Variants in COL4A5 observed in about 807,000 individuals in gnomAD.
The protein encoded by COL4A5 is collagen type IV alpha 5 chain.
A neutral mutation model predicts 130.2 loss-of-function variants in COL4A5; 26 were observed. The observed-to-expected ratio is 0.20, with a 90% CI of 0.15 to 0.28. COL4A5 has a LOEUF of 0.28. Ranked by LOEUF, COL4A5 falls within the 10% of genes least tolerant of loss-of-function variation. The probability of loss-of-function intolerance (pLI) is 1.00; values close to 1 mark genes in which losing one functional copy is unlikely to be tolerated. For missense variants in COL4A5, 1,131 were observed against 1,344.3 expected, an observed-to-expected ratio of 0.84 and a Z score of 2.48; for synonymous variants, 496 against 439.6, an observed-to-expected ratio of 1.13 and a Z score of -1.60.
At chrX:108,559,754 T>C (rs774127043) in intron 3 of COL4A5, among the ~76,000 whole-genome samples, 5 of 111,733 alleles carry the variant, frequency 4.5e-5, no homozygotes, top group Non-Finnish European at 9.4e-5. Context: ...AGAAAAAGTA[T>C]TTTTATGGTT....
chrX:108,606,788 T>C lies in COL4A5; in HGVS notation c.2291T>C (p.Leu764Pro). 8.3e-7 allele frequency: 1 copy of C among 1,211,352 alleles called. No individual in the cohort carries two copies. ...CCTGGGCCACCTGGGCCACCAGGAC[T>C]TCCAGGTTTCAAAGGAGCACTTGGT... ...ALPGPPGPPG[L>P]PGFKGALGPK... Residue 764 changes from leucine to proline, a missense_variant, in exon 29 of 53, where the codon CTT becomes CCT. Transcript: ENST00000328300.
In COL4A5 at chrX:108,622,813, C is replaced by T. The variant is rs748478614; in HGVS notation, c.2905C>T (p.Pro969Ser). The T allele has an allele frequency of 8.3e-7, 1 of 1,206,910 alleles. No individual in the cohort carries two copies. Among genetic ancestry groups the T allele is most frequent in the African/African-American group, 1.8e-5 (1 of 57,111 alleles). The change falls in exon 33 of 53, where the codon CCT becomes TCT. Residue 969 changes from proline to serine, a missense_variant. Coordinates refer to ENST00000328300, the MANE Select transcript of COL4A5 (RefSeq NM_033380.3). ...GGGCTCAAAAGGAGAGAAGGGGGAACCTGGCTTACCAGGTGAGTGAATGAA... is the reference window on the plus strand; with the variant it reads ...GGGCTCAAAAGGAGAGAAGGGGGAATCTGGCTTACCAGGTGAGTGAATGAA... ...LLGSKGEKGEPGLPGIPGVSG... is the reference protein window; with the variant it reads ...LLGSKGEKGESGLPGIPGVSG...
rs771693052 is a variant in COL4A5, at chrX:108,483,468, C to T, written c.81+43262C>T. 9.9e-5 allele frequency among the ~76,000 whole-genome samples: 11 copies of T among 111,159 alleles called. No homozygotes were observed. In the East Asian group the frequency reaches 1.4e-3, roughly 14 times the overall value. On this transcript the variant is annotated intron_variant, in intron 1 of 52. Transcript: ENST00000328300. Reference sequence around the variant, plus strand: ...CAGGTTTTTCTGCCTGCTTTATATTCGCTGGCAGCTGATTAGATTGTGCCC... The same window carrying T: ...CAGGTTTTTCTGCCTGCTTTATATTTGCTGGCAGCTGATTAGATTGTGCCC...
chrX:108,529,590 C>G (rs1352712485), intron 1 of COL4A5, among the ~76,000 whole-genome samples: 2 of 111,206 alleles, frequency 1.8e-5, no homozygotes, highest in Non-Finnish European at 3.8e-5. Context: ...ATATTTTCCA[C>G]TTAAAATATA....
In COL4A5 at chrX:108,584,538, T is replaced by G. The variant is rs2066303331; in HGVS notation, c.1032+13T>G. The G allele has an allele frequency of 1.7e-6, 2 of 1,195,087 alleles. No individual in the cohort carries two copies. Among genetic ancestry groups the G allele is most frequent in the Non-Finnish European group, 2.3e-6 (2 of 885,749 alleles). On this transcript the variant is annotated intron_variant, in intron 18 of 52. Coordinates refer to ENST00000328300, the MANE Select transcript of COL4A5 (RefSeq NM_033380.3). ...ACCTCCTGGACTTGTAAGTTTTTTT[T>G]TTTTAGTCTTCGTTTATCAAATTTA...
chrX:108,562,973 A>G (rs2065917211), intron 3 of COL4A5, among the ~76,000 whole-genome samples: 1 of 111,448 alleles, frequency 9.0e-6, no homozygotes, highest in Non-Finnish European at 1.9e-5. Context: ...CACATTAAAC[A>G]CACTGTTTGA....
Position 108,588,782 on chromosome X carries a change from G to C in COL4A5, c.1165+2035G>C, listed in dbSNP as rs781089016. Among the ~76,000 whole-genome samples the C allele has an allele frequency of 1.1e-4, 12 of 111,373 alleles. No individual in the cohort carries two copies. In the East Asian group the frequency reaches 2.8e-3, roughly 26 times the overall value. Reference sequence around the variant, plus strand: ...CTTAAAAACTATTTGAGAACAAAAGGCCAATCACCTACAAAGCAGTGAGTC... The same window carrying C: ...CTTAAAAACTATTTGAGAACAAAAGCCCAATCACCTACAAAGCAGTGAGTC... On this transcript the variant is annotated intron_variant, in intron 19 of 52. Transcript: ENST00000328300.
intron 1 of COL4A5, among the ~76,000 whole-genome samples, chrX:108,531,381 A>AAAATAAAT (rs1236035852): frequency 9.2e-6 from 1 of 108,849 alleles, no homozygotes; most frequent in East Asian, 2.9e-4. Context: ...AAATAAATAA[A>AAAATAAAT]AAATAAAATA....
At chrX:108,654,022 A>G (rs1030396754) in intron 36 of COL4A5, among the ~76,000 whole-genome samples, 19 of 112,352 alleles carry the variant, frequency 1.7e-4, no homozygotes, top group Non-Finnish European at 3.0e-4. Context: ...ATGAGTCAAA[A>G]ATAGATCTTA....
intron 37 of COL4A5, 95 bp from the exon 38 acceptor site, chrX:108,665,412 G>A: frequency 1.7e-6 from 1 of 598,252 alleles, no homozygotes; most frequent in South Asian, 2.6e-5. Flanking sequence ...GTTCTTCACT[G>A]TTTCTATGCT....
chrX:108,526,652 CTT>C lies in COL4A5; in HGVS notation c.82-13092_82-13091del, dbSNP rs1272674171. Among the ~76,000 whole-genome samples, 275 of 53,470 alleles carry C rather than the reference CTT, an allele frequency of 5.1e-3. 4 individuals carry two copies. Among genetic ancestry groups the C allele is most frequent in the African/African-American group, 0.024 (220 of 9,279 alleles). 46.4% of individuals were successfully genotyped at this position (53,470 alleles called of 115,157 possible). A position where few individuals can be genotyped will look rare whatever the true frequency, so the allele number is the denominator to read the frequency against. On this transcript the variant is annotated intron_variant, in intron 1 of 52. Coordinates refer to ENST00000328300, the MANE Select transcript of COL4A5 (RefSeq NM_033380.3). The stretch of plus-strand genomic sequence containing the variant: ...TCTTTCTTTCTTTCTTTCTTTCTTT[CTT>C]TCTTTCTTCTTTCTTTCTCTTTCTT...
intron 1 of COL4A5, among the ~76,000 whole-genome samples, chrX:108,450,526 G>A (rs1174991101): frequency 8.9e-6 from 1 of 112,156 alleles, no homozygotes; most frequent in Non-Finnish European, 1.9e-5. Context: ...AGTATTTGTG[G>A]CCAATGAAAA....
intron 30 of COL4A5, among the ~76,000 whole-genome samples, chrX:108,618,392 C>T (rs1470420778): frequency 8.9e-6 from 1 of 111,772 alleles, no homozygotes; most frequent in African/African-American, 3.2e-5. Context: ...TATACCCAAC[C>T]TGTTGTAGTA....
At chrX:108,558,983 A>G in intron 2 of COL4A5, 81 bp from the exon 3 acceptor site, 1 of 762,365 alleles carries the variant, frequency 1.3e-6, no homozygotes, top group Non-Finnish European at 2.1e-6. Context: ...CTAGATAGTC[A>G]TGTGATCTTT....
intron 4 of COL4A5, among the ~76,000 whole-genome samples, chrX:108,567,911 A>C (rs112680361): frequency 0.031 from 3,470 of 111,854 alleles, 71 homozygotes; most frequent in Middle Eastern, 0.079. Flanking sequence ...AGGACACAGC[A>C]AAACCATATC....
At chrX:108,566,588 G>T (rs912729646) in intron 4 of COL4A5, among the ~76,000 whole-genome samples, 23 of 106,451 alleles carry the variant, frequency 2.2e-4, no homozygotes, top group African/African-American at 6.9e-4. Flanking sequence ...TCGCTCTGTC[G>T]CCCAGGCTGG....
chrX:108,595,462 T>A (rs2066497933), intron 21 of COL4A5, 47 bp from the exon 22 acceptor site: 2 of 1,094,419 alleles, frequency 1.8e-6, no homozygotes, highest in Admixed American at 4.4e-5. Context: ...ATAGAAGGTA[T>A]ATGTACCCCT....
intron 1 of COL4A5, among the ~76,000 whole-genome samples, chrX:108,445,588 A>T (rs763565156): frequency 8.9e-6 from 1 of 111,999 alleles, no homozygotes; most frequent in African/African-American, 3.2e-5. Flanking sequence ...ATAGTATCAA[A>T]TACTGATTGT....
intron 2 of COL4A5, among the ~76,000 whole-genome samples, chrX:108,544,858 GT>G (rs1447133414): frequency 1.8e-5 from 2 of 111,532 alleles, no homozygotes; most frequent in African/African-American, 6.5e-5. Context: ...GTGTTGAGGA[GT>G]TTATCCATTT....
Sources: allele counts gnomAD v4.1 joint callset (sites outside exome capture counted in the v4.1 genomes callset), GRCh38; gene constraint gnomAD v4.1.1; transcripts MANE v1.5; gene names NCBI Gene and HGNC (gene_info 2026-07-23, HGNC 2026-07-21).